Variants in METTL9 observed in about 807,000 individuals in gnomAD.
The protein encoded by METTL9 is protein-L-histidine N-pros-methyltransferase.
METTL9 carries 10 observed loss-of-function variants against 36.0 expected under a neutral mutation model. That is an observed-to-expected ratio of 0.28 (90% CI 0.17 to 0.47). The LOEUF is 0.47. Among genes scored for constraint, METTL9 ranks in the 20% least tolerant of loss-of-function variants. The pLI, the probability that METTL9 is intolerant of heterozygous loss-of-function variation, is 0.99. For missense variants in METTL9, 246 were observed against 383.5 expected, an observed-to-expected ratio of 0.64 and a Z score of 3.00; for synonymous variants, 175 against 149.7, an observed-to-expected ratio of 1.17 and a Z score of -1.23.
chr16:21,599,386 G>A (rs1965031240), upstream of METTL9: 4 of 1,060,612 alleles, frequency 3.8e-6, no homozygotes, highest in Non-Finnish European at 4.6e-6. The surrounding 1 kb of genome is among the most constrained non-coding windows in gnomAD (Gnocchi z 4.4). Context: ...ACACGAGAAC[G>A]CGCTCCGGGC....
At chr16:21,610,267 A>C (rs1243967056) in intron 1 of METTL9, among the ~76,000 whole-genome samples, 1 of 152,196 alleles carries the variant, frequency 6.6e-6, no homozygotes, top group Non-Finnish European at 1.5e-5. Flanking sequence ...TTTGTGACTG[A>C]CTTATTTCAC....
upstream of METTL9, among the ~76,000 whole-genome samples, chr16:21,599,224 G>A (rs1281754658): frequency 6.6e-6 from 1 of 152,208 alleles, no homozygotes; most frequent in Non-Finnish European, 1.5e-5. This position sits in a 1 kb window ranked among gnomAD's most constrained non-coding sequence, Gnocchi z 4.4. Context: ...CCGCCGTGGA[G>A]TGGGATGAGG....
intron 4 of METTL9, among the ~76,000 whole-genome samples, chr16:21,650,524 AAAAAT>A (rs1318709866): frequency 6.6e-6 from 1 of 151,706 alleles, no homozygotes; most frequent in Non-Finnish European, 1.5e-5. Context: ...AAAAAAAAAA[AAAAAT>A]AGAGGTTGGG....
chr16:21,633,291 A>C (rs1049644417), intron 4 of METTL9, among the ~76,000 whole-genome samples: 1 of 152,170 alleles, frequency 6.6e-6, no homozygotes, highest in South Asian at 2.1e-4. Flanking sequence ...TGTACCTTTG[A>C]TTAGCTAGAA....
chr16:21,616,022 A>G (rs1965546666), intron 2 of METTL9, among the ~76,000 whole-genome samples: 1 of 152,182 alleles, frequency 6.6e-6, no homozygotes, highest in South Asian at 2.1e-4. Flanking sequence ...AAACTCTCCT[A>G]TGGCCTTAAT....
intron 1 of METTL9, among the ~76,000 whole-genome samples, chr16:21,608,560 T>G (rs1272193584): frequency 6.6e-6 from 1 of 152,164 alleles, no homozygotes; most frequent in African/African-American, 2.4e-5. Context: ...TGACATTTTG[T>G]GGGTAAGGCC....
intron 4 of METTL9, chr16:21,641,296 A>G: frequency 5.9e-6 from 2 of 338,862 alleles, no homozygotes; most frequent in South Asian, 1.1e-4. Context: ...AGTTTAAAAT[A>G]GAATTTTTTT....
At chr16:21,647,635 A>G in intron 4 of METTL9, 1 of 1,094,950 alleles carries the variant, frequency 9.1e-7, no homozygotes, top group East Asian at 2.6e-5. Context: ...AATAAACACC[A>G]GTGGTCCTCA....
intron 4 of METTL9, among the ~76,000 whole-genome samples, chr16:21,651,144 AC>A (rs1397123522): frequency 3.9e-5 from 6 of 152,054 alleles, no homozygotes; most frequent in Non-Finnish European, 8.8e-5. Context: ...AATGGCGTGA[AC>A]CCGGGAGGCG....
At chr16:21,630,942 A>G (rs1316749455) in intron 4 of METTL9, among the ~76,000 whole-genome samples, 2 of 152,088 alleles carry the variant, frequency 1.3e-5, no homozygotes, top group South Asian at 2.1e-4. Flanking sequence ...ATCTCGTACT[A>G]TCCCTGCCTG....
intron 4 of METTL9, 87 bp downstream of exon 4, chr16:21,625,202 T>G (rs1965791437): frequency 7.1e-7 from 1 of 1,408,032 alleles, no homozygotes; most frequent in Middle Eastern, 2.2e-4. Context: ...TTAAATATTG[T>G]CTAGTATGTC....
At chr16:21,604,261 G>C (rs1965215606) in intron 1 of METTL9, among the ~76,000 whole-genome samples, 1 of 152,150 alleles carries the variant, frequency 6.6e-6, no homozygotes, top group African/African-American at 2.4e-5. Context: ...CCAAGTGTTT[G>C]CTTCAGTTTC....
chr16:21,646,110 C>G (rs986507832), intron 4 of METTL9, among the ~76,000 whole-genome samples: 1 of 151,826 alleles, frequency 6.6e-6, no homozygotes, highest in African/African-American at 2.4e-5. Context: ...TGCTGCTGTT[C>G]TCTTTTTTCC....
intron 1 of METTL9, among the ~76,000 whole-genome samples, chr16:21,606,673 AC>A (rs1458068089): frequency 6.6e-6 from 1 of 152,046 alleles, no homozygotes; most frequent in Non-Finnish European, 1.5e-5. Context: ...TGGGTCTCCC[AC>A]CCCTATCAGG....
At chr16:21,614,753 T>C (rs1965511725) in intron 2 of METTL9, among the ~76,000 whole-genome samples, 1 of 152,180 alleles carries the variant, frequency 6.6e-6, no homozygotes, top group South Asian at 2.1e-4. Context: ...AAAGACTTAG[T>C]AGATGTTCCA....
chr16:21,639,829 G>A (rs1462183511), intron 4 of METTL9: 2 of 152,072 alleles, frequency 1.3e-5, no homozygotes, highest in Non-Finnish European at 2.9e-5. Context: ...AACCATCAAT[G>A]CAAAAACACT....
chr16:21,650,192 A>T (rs1027232320), intron 4 of METTL9, among the ~76,000 whole-genome samples: 34 of 152,046 alleles, frequency 2.2e-4, no homozygotes, highest in Non-Finnish European at 4.3e-4. Context: ...CCTGGGCAGC[A>T]TTGTGAGATC....
intron 1 of METTL9, 113 bp downstream of exon 1, chr16:21,600,011 C>T (rs1479632445): frequency 1.1e-6 from 1 of 932,716 alleles, no homozygotes; most frequent in Non-Finnish European, 1.4e-6. Flanking sequence ...CCTCGCCCCT[C>T]CGCCTCGGCC....
chr16:21,620,480 G>C (rs1489346484), intron 3 of METTL9, among the ~76,000 whole-genome samples: 2 of 152,166 alleles, frequency 1.3e-5, no homozygotes, highest in Non-Finnish European at 2.9e-5. Context: ...CGAAGAGGAA[G>C]GTGTTAAACC....
Sources: gnomAD v4.1 joint callset for allele counts (sites outside exome capture counted in the v4.1 genomes callset) on GRCh38, gnomAD v4.1.1 for gene constraint, Gnocchi (gnomAD v3.1) non-coding constraint, MANE v1.5 for transcripts, NCBI Gene and HGNC (gene_info 2026-07-23, HGNC 2026-07-21) for gene names.